LAMC1: variants seen among roughly 807,000 people sequenced by gnomAD.
The protein encoded by LAMC1 is laminin subunit gamma-1.
A neutral mutation model predicts 173.6 loss-of-function variants in LAMC1; 38 were observed. The observed-to-expected ratio is 0.22, with a 90% confidence interval of 0.17 to 0.29. The LOEUF (loss-of-function observed/expected upper bound fraction) is 0.29. Ranked by LOEUF, LAMC1 falls within the 10% of genes least tolerant of loss-of-function variation. The probability of loss-of-function intolerance (pLI) is 1.00; values close to 1 mark genes in which losing one functional copy is unlikely to be tolerated. For synonymous variants in LAMC1, 746 were observed against 749.1 expected, an observed-to-expected ratio of 1.00 and a Z score of 0.07; for missense variants, 1,824 against 2,051.8, an observed-to-expected ratio of 0.89 and a Z score of 2.14.
rs1443427401 is a variant in LAMC1, at chr1:183,136,537, C to A, written c.4266C>A (p.Ala1422=). ...GTGCTGCGGCGGATGCCACAGAGGCCAAGAACAAGGCCCATGAGGCGGAGA... is the reference window on the plus strand; with the variant it reads ...GTGCTGCGGCGGATGCCACAGAGGCAAAGAACAAGGCCCATGAGGCGGAGA... ...LGSAAADATE[A]KNKAHEAERI... The change falls in exon 25 of 28, where the codon GCC becomes GCA. Residue 1422 remains alanine, a synonymous_variant. Coordinates refer to ENST00000258341, the MANE Select transcript of LAMC1 (RefSeq NM_002293.4). 1 of 1,613,828 alleles carries A rather than the reference C, an allele frequency of 6.2e-7. No individual in the cohort carries two copies. Among genetic ancestry groups the A allele is most frequent in the South Asian group, 1.1e-5 (1 of 91,048 alleles).
In LAMC1 at chr1:183,043,053, A is replaced by T. The variant is rs1181119200; in HGVS notation, c.418+18919A>T. Among the ~76,000 whole-genome samples, 3 of 152,132 alleles carry T rather than the reference A, an allele frequency of 2.0e-5. No individual in the cohort carries two copies. In the East Asian group the frequency reaches 5.8e-4, roughly 29 times the overall value. On this transcript the variant is annotated intron_variant, in intron 1 of 27. Transcript: ENST00000258341. ...AGTGCTTTTTGTGGCTTGAACATATACAGTTTTGTTGTGGAATCTTCTTAA... is the reference window on the plus strand; with the variant it reads ...AGTGCTTTTTGTGGCTTGAACATATTCAGTTTTGTTGTGGAATCTTCTTAA...
At position 183,127,292 on chromosome 1, in the gene LAMC1, G is replaced by A. The variant is rs756819256; in HGVS notation, c.3011G>A (p.Arg1004Lys). Residue 1004 changes from arginine (R) to lysine (K), a missense_variant, in exon 17 of 28, where the codon AGA becomes AAA. Transcript: ENST00000258341. ...AAAGATGATGGTCGCTGTGAATGCA[G>A]AGAAGGCTTTGTGGGAAATCGCTGT... ...QCKDDGRCEC[R>K]EGFVGNRCDQ... 1.9e-6 allele frequency: 3 copies of A among 1,614,220 alleles called. No homozygotes were observed. In the Middle Eastern group the frequency reaches 5.0e-4, roughly 266 times the overall value.
At position 183,075,141 on chromosome 1, in the gene LAMC1, T is replaced by C. The variant is rs977370652; in HGVS notation, c.419-28187T>C. On this transcript the variant is annotated intron_variant, in intron 1 of 27. Transcript: ENST00000258341. ...CTGATGTGGGCTTTTTTTTTTTTTT[T>C]CGAGACAGGGTGTTACTCCTGTTGC... Among the ~76,000 whole-genome samples the C allele has an allele frequency of 1.2e-4, 18 of 151,756 alleles. 1 individual carries two copies. Among genetic ancestry groups the C allele is most frequent in the Admixed American group, 2.6e-4 (4 of 15,232 alleles).
intron 1 of LAMC1, among the ~76,000 whole-genome samples, chr1:183,061,671 C>G (rs1248037860): frequency 1.3e-5 from 2 of 152,106 alleles, no homozygotes; most frequent in Admixed American, 6.5e-5. Context: ...AATCAGAAAT[C>G]AGTTTTGCTC....
At chr1:183,068,873 C>T (rs1040073591) in intron 1 of LAMC1, among the ~76,000 whole-genome samples, 2 of 151,778 alleles carry the variant, frequency 1.3e-5, no homozygotes, top group African/African-American at 4.8e-5. Context: ...ACCCAGGAGG[C>T]GAAGGTTGCA....
At chr1:183,113,971 T>TA (rs1656241432) in intron 4 of LAMC1, among the ~76,000 whole-genome samples, 2 of 152,348 alleles carry the variant, frequency 1.3e-5, no homozygotes, top group African/African-American at 2.4e-5. Context: ...CCTTGTATCT[T>TA]ACGATGGTGC....
chr1:183,103,248 T>C, intron 1 of LAMC1, 80 bp from the exon 2 acceptor site: 1 of 1,333,566 alleles, frequency 7.5e-7, no homozygotes, highest in South Asian at 1.4e-5. Flanking sequence ...CTTTGTCAAG[T>C]TCCAAACTAA....
chr1:183,088,868 G>C (rs143642902), intron 1 of LAMC1, among the ~76,000 whole-genome samples: 1 of 152,206 alleles, frequency 6.6e-6, no homozygotes, highest in Non-Finnish European at 1.5e-5. Context: ...GACTGGAACA[G>C]AGGTTTCAGT....
chr1:183,092,042 G>A (rs1655579658), intron 1 of LAMC1, among the ~76,000 whole-genome samples: 1 of 152,172 alleles, frequency 6.6e-6, no homozygotes, highest in Admixed American at 6.5e-5. Context: ...GAAAATGTTG[G>A]GGAGTTTGGG....
In LAMC1 at chr1:183,103,478, A is replaced by G. The variant is rs1469693783; in HGVS notation, c.569A>G (p.Asn190Ser). 2 of 1,614,170 alleles carry G rather than the reference A, an allele frequency of 1.2e-6. No individual in the cohort carries two copies. Among genetic ancestry groups the G allele is most frequent in the East Asian group, 2.2e-5 (1 of 44,890 alleles). ...GSCENTYSKA[N>S]RGFIRTGGDE... ...TGTGAGAACACCTACTCCAAGGCAA[A>G]CCGCGGCTTCATCAGGACAGGAGGG... The change falls in exon 2 of 28, where the codon AAC becomes AGC. Residue 190 changes from asparagine (N) to serine (S), a missense_variant. Asn to Ser is a conservative substitution (Grantham distance 46). Transcript: ENST00000258341.
Position 183,023,670 on chromosome 1 carries a change from G to A in LAMC1, c.-47G>A. ...GGGGACGCCGCTAGGCGAGAGGAAC[G>A]CGCCGGTGCCCTTGCCTTCGCCGTG... On this transcript the variant is annotated 5_prime_UTR_variant, in exon 1 of 28. Transcript: ENST00000258341. 1 of 1,151,106 alleles carries A rather than the reference G, an allele frequency of 8.7e-7. No individual in the cohort carries two copies. The highest frequency in any genetic ancestry group is 1.1e-6 in the Non-Finnish European group (1 of 934,428). The allele number at this position is 1,151,106 out of a possible 1,614,324, so 71.3% of individuals were successfully genotyped here. A position where few individuals can be genotyped will look rare whatever the true frequency, so the allele number is the denominator to read the frequency against.
chr1:183,127,792 G>C (rs1656661809), intron 17 of LAMC1, among the ~76,000 whole-genome samples: 1 of 152,172 alleles, frequency 6.6e-6, no homozygotes, highest in African/African-American at 2.4e-5. Context: ...GCTGAGTGCA[G>C]AGGGTGTGTT....
intron 11 of LAMC1, among the ~76,000 whole-genome samples, chr1:183,118,984 C>T (rs1276818998): frequency 5.9e-5 from 9 of 151,946 alleles, no homozygotes; most frequent in Admixed American, 2.0e-4. Flanking sequence ...CTGCAACCTC[C>T]GCCTCCTGGT....
chr1:183,071,457 A>G (rs1251063583), intron 1 of LAMC1, among the ~76,000 whole-genome samples: 1 of 152,146 alleles, frequency 6.6e-6, no homozygotes, highest in Non-Finnish European at 1.5e-5. Context: ...GTGACTCTAC[A>G]TTCCGGCCTC....
intron 1 of LAMC1, among the ~76,000 whole-genome samples, chr1:183,044,666 A>G (rs754201656): frequency 7.8e-4 from 118 of 152,116 alleles, no homozygotes; most frequent in Admixed American, 1.6e-3. Context: ...TATTTCCTCA[A>G]GATTTAAGAC....
At chr1:183,131,908 A>G (rs945829670) in intron 20 of LAMC1, among the ~76,000 whole-genome samples, 1 of 152,226 alleles carries the variant, frequency 6.6e-6, no homozygotes, top group South Asian at 2.1e-4. Context: ...TTAGAATGCT[A>G]TTCATAAATT....
At chr1:183,127,832 G>A (rs1022017730) in intron 17 of LAMC1, among the ~76,000 whole-genome samples, 13 of 152,082 alleles carry the variant, frequency 8.5e-5, no homozygotes, top group African/African-American at 2.9e-4. Context: ...AGGTTGGTAC[G>A]GACAGGTTAT....
chr1:183,091,231 T>A (rs559160335), intron 1 of LAMC1, among the ~76,000 whole-genome samples: 7 of 152,320 alleles, frequency 4.6e-5, no homozygotes, highest in African/African-American at 1.7e-4. Context: ...TATTCTTTGA[T>A]TTCTTAGATC....
intron 1 of LAMC1, among the ~76,000 whole-genome samples, chr1:183,058,138 C>T (rs1396436149): frequency 6.6e-6 from 1 of 152,184 alleles, no homozygotes; most frequent in East Asian, 1.9e-4. Context: ...CTATTGGCTA[C>T]TTCATTTCTG....
Sources: gnomAD v4.1 joint callset for allele counts (sites outside exome capture counted in the v4.1 genomes callset) on GRCh38, gnomAD v4.1.1 for gene constraint, MANE v1.5 for transcripts, NCBI Gene and HGNC (gene_info 2026-07-23, HGNC 2026-07-21) for gene names.